PFKM: variants seen among roughly 807,000 people sequenced by gnomAD.
PFKM encodes phosphofructokinase, muscle.
Under a neutral mutation model 95.5 loss-of-function variants are expected in PFKM, and 58 were observed. That is an observed-to-expected ratio of 0.61 (90% CI 0.49 to 0.76). The LOEUF (loss-of-function observed/expected upper bound fraction) is 0.76, where lower values mean the gene tolerates loss of function less well. Ranked by LOEUF, PFKM falls within the 30% of genes least tolerant of loss-of-function variation. The pLI, the probability that PFKM is intolerant of heterozygous loss-of-function variation, is 0.00. For synonymous variants in PFKM, 336 were observed against 357.2 expected, an observed-to-expected ratio of 0.94 and a Z score of 0.67; for missense variants, 678 against 1,005.4, an observed-to-expected ratio of 0.67 and a Z score of 4.40.
Position 48,140,814 on chromosome 12 carries a change from C to T in PFKM, c.1284C>T (p.Ile428=). 6.2e-7 allele frequency: 1 copy of T among 1,614,234 alleles called. No individual in the cohort carries two copies. Among genetic ancestry groups the T allele is most frequent in the Non-Finnish European group, 8.5e-7 (1 of 1,180,036 alleles). ...GCTCCACTGTGAGGATTGGCCTTAT[C>T]CAGGGCAACCGAGTGCTCGTTGTCC... ...AVRSTVRIGL[I]QGNRVLVVHD... The change falls in exon 14 of 23, where the codon ATC becomes ATT. Residue 428 remains isoleucine, a synonymous_variant. Coordinates refer to ENST00000359794, the MANE Select transcript of PFKM (RefSeq NM_000289.6).
In PFKM at chr12:48,139,348, C is replaced by G. The variant is rs773751749; in HGVS notation, c.1126C>G (p.Arg376Gly). The G allele has an allele frequency of 6.2e-7, 1 of 1,612,036 alleles. No homozygotes were observed. The highest frequency in any genetic ancestry group is 8.5e-7 in the Non-Finnish European group (1 of 1,178,378). The change falls in exon 12 of 23, where the codon CGG becomes GGG. Residue 376 changes from arginine (R) to glycine (G), a missense_variant and splice_region_variant. Transcript: ENST00000359794. ...TGACGAAGCCCTGAAGCTGAGAGGCCGGTGAGGAGATGACGGGAAGCTCAC... is the reference window on the plus strand; with the variant it reads ...TGACGAAGCCCTGAAGCTGAGAGGCGGGTGAGGAGATGACGGGAAGCTCAC... ...KFDEALKLRG[R>G]SFMNNWEVYK...
At chr12:48,110,025 C>T (rs1947042953) in intron 3 of PFKM, among the ~76,000 whole-genome samples, 1 of 152,182 alleles carries the variant, frequency 6.6e-6, no homozygotes, top group Admixed American at 6.5e-5. Flanking sequence ...CACAATCACA[C>T]ACATGGTTAT....
upstream of PFKM, chr12:48,105,528 A>G: frequency 3.9e-6 from 2 of 512,930 alleles, no homozygotes; most frequent in Non-Finnish European, 7.8e-6. Context: ...GAGATACCAC[A>G]GAGTAGGAGA....
At position 48,145,921 on chromosome 12, in the gene PFKM, T is replaced by A; in HGVS notation, c.*213T>A. On this transcript the variant is annotated 3_prime_UTR_variant, in exon 23 of 23. Coordinates refer to ENST00000359794, the MANE Select transcript of PFKM (RefSeq NM_000289.6). The surrounding 1 kb of genome is among the most constrained non-coding windows in gnomAD (Gnocchi z 4.3). ...AATTTAACATGACTTCTGCCCCAGC[T>A]TTATCTGTCACACAAGGCTGGGCAC... 1.7e-6 allele frequency: 1 copy of A among 584,098 alleles called. No homozygotes were observed. Among genetic ancestry groups the A allele is most frequent in the Non-Finnish European group, 3.1e-6 (1 of 327,178 alleles). 36.2% of individuals were successfully genotyped at this position (584,098 alleles called of 1,614,324 possible). A position where few individuals can be genotyped will look rare whatever the true frequency, so the allele number is the denominator to read the frequency against.
intron 1 of PFKM, chr12:48,107,306 C>G: frequency 8.4e-6 from 9 of 1,065,144 alleles, no homozygotes; most frequent in Non-Finnish European, 1.3e-5. Context: ...CCATGTCAGT[C>G]ACTGACATCT....
chr12:48,113,273 G>A (rs778729882), intron 3 of PFKM, among the ~76,000 whole-genome samples: 10 of 152,136 alleles, frequency 6.6e-5, no homozygotes, highest in East Asian at 1.9e-4. Context: ...AGAAGGTAAT[G>A]TGGAGTGGGT....
intron 2 of PFKM, among the ~76,000 whole-genome samples, chr12:48,126,871 T>C (rs905484564): frequency 1.3e-5 from 2 of 152,254 alleles, no homozygotes; most frequent in African/African-American, 4.8e-5. Flanking sequence ...CCTAAAGCAT[T>C]GAAGGCTTTG....
At chr12:48,122,974 T>A in intron 2 of PFKM, 115 bp downstream of exon 2, 1 of 1,022,744 alleles carries the variant, frequency 9.8e-7, no homozygotes, top group Non-Finnish European at 1.5e-6. Flanking sequence ...TGGGCTTTGC[T>A]AAAAATTTCT....
rs1950966016 is a variant in PFKM, at chr12:48,145,484, A to G, written c.2199-80A>G. 6 of 1,553,382 alleles carry G rather than the reference A, an allele frequency of 3.9e-6. No homozygotes were observed. The highest frequency in any genetic ancestry group is 3.4e-5 in the Admixed American group (2 of 59,078). ...GTCCTAAATCTAACCTCTTCTGTCT[A>G]ACTTCTTCCTATAAACCTTTGGTAG... On this transcript the variant is annotated intron_variant, in intron 22 of 22. Coordinates refer to ENST00000359794, the MANE Select transcript of PFKM (RefSeq NM_000289.6). This position sits in a 1 kb window ranked among gnomAD's most constrained non-coding sequence, Gnocchi z 4.3.
exon 2 of PFKM, chr12:48,107,427 C>A: frequency 1.3e-6 from 2 of 1,598,392 alleles, no homozygotes; most frequent in Non-Finnish European, 1.7e-6. Context: ...TTCAGTCTCG[C>A]CAGTTAGTCA....
chr12:48,120,175 A>AACATT (rs1948108044), intron 1 of PFKM, among the ~76,000 whole-genome samples: 1 of 152,186 alleles, frequency 6.6e-6, no homozygotes, highest in Admixed American at 6.5e-5. Flanking sequence ...TTTGGACATG[A>AACATT]ACATTCCAGT....
chr12:48,135,761 A>G (rs1040336963), intron 10 of PFKM, among the ~76,000 whole-genome samples: 4 of 152,132 alleles, frequency 2.6e-5, no homozygotes, highest in African/African-American at 9.7e-5. Flanking sequence ...ACTATAGTAC[A>G]ATATCATCAC....
intron 1 of PFKM, chr12:48,119,823 T>A (rs1948049050): frequency 6.6e-6 from 1 of 152,270 alleles, no homozygotes; most frequent in Non-Finnish European, 1.5e-5. Flanking sequence ...CGTGTCATTG[T>A]GGGTCTGTAA....
At chr12:48,131,214 G>C in intron 3 of PFKM, 102 bp from the exon 4 acceptor site, 1 of 814,958 alleles carries the variant, frequency 1.2e-6, no homozygotes. Context: ...AATGGGAGGA[G>C]GTGGCTTGAC....
chr12:48,145,088 A>G lies in PFKM; in HGVS notation c.2050A>G (p.Met684Val). 3.1e-6 allele frequency: 5 copies of G among 1,614,168 alleles called. No individual in the cohort carries two copies. Among genetic ancestry groups the G allele is most frequent in the Non-Finnish European group, 4.2e-6 (5 of 1,180,004 alleles). Residue 684 changes from methionine to valine, a missense_variant, in exon 21 of 23, where the codon ATG (methionine) becomes GTG (valine). Coordinates refer to ENST00000359794, the MANE Select transcript of PFKM (RefSeq NM_000289.6). The surrounding 1 kb of genome is among the most constrained non-coding windows in gnomAD (Gnocchi z 4.3). ...NFATKMGAKA[M>V]NWMSGKIKES... ...TGCCACTAAGATGGGCGCCAAGGCT[A>G]TGAACTGGATGTCTGGGAAAATCAA...
At chr12:48,143,885 A>G in intron 19 of PFKM, 71 bp downstream of exon 19, 1 of 1,269,850 alleles carries the variant, frequency 7.9e-7, no homozygotes, top group Admixed American at 1.7e-5. Context: ...TAGAATGGCC[A>G]TTGTTGGGAC....
chr12:48,106,018 C>T, exon 1 of PFKM: 1 of 701,224 alleles, frequency 1.4e-6, no homozygotes, highest in South Asian at 1.5e-5. Context: ...AGCTTCCCGC[C>T]GCCACTCACC....
intron 3 of PFKM, among the ~76,000 whole-genome samples, chr12:48,112,689 C>T (rs558697171): frequency 9.2e-5 from 14 of 152,110 alleles, no homozygotes; most frequent in South Asian, 6.2e-4. Flanking sequence ...TTTGGCACCA[C>T]GGGGTGGATA....
At chr12:48,125,455 C>G (rs1443251750) in intron 2 of PFKM, 2 of 370,288 alleles carry the variant, frequency 5.4e-6, no homozygotes, top group Admixed American at 7.2e-5. Context: ...AACCCCGTCT[C>G]TACTAAAAAT....
Sources: allele counts gnomAD v4.1 joint callset (sites outside exome capture counted in the v4.1 genomes callset), GRCh38; gene constraint gnomAD v4.1.1; non-coding constraint Gnocchi (gnomAD v3.1); transcripts MANE v1.5; gene names NCBI Gene and HGNC (gene_info 2026-07-23, HGNC 2026-07-21).